MIPOL1: variants seen among roughly 807,000 people sequenced by gnomAD.
The protein encoded by MIPOL1 is mirror-image polydactyly 1, also known as mirror-image polydactyly gene 1 protein.
A neutral mutation model predicts 60.9 loss-of-function variants in MIPOL1; 57 were observed. The observed-to-expected ratio is 0.94, with a 90% CI of 0.76 to 1.17. The LOEUF (loss-of-function observed/expected upper bound fraction) is 1.17. Ranked by LOEUF, MIPOL1 falls within the 50% of genes most tolerant of loss-of-function variation. MIPOL1 has a pLI of 0.00. For synonymous variants in MIPOL1, 179 were observed against 168.8 expected, an observed-to-expected ratio of 1.06 and a Z score of -0.47; for missense variants, 551 against 511.6, an observed-to-expected ratio of 1.08 and a Z score of -0.74.
chr14:37,432,360 A>G (rs1434921352), intron 11 of MIPOL1, among the ~76,000 whole-genome samples: 1 of 152,202 alleles, frequency 6.6e-6, no homozygotes, highest in Non-Finnish European at 1.5e-5. Context: ...TTTAGTAAAT[A>G]TATGTCCACA....
At chr14:37,435,308 C>T (rs528480404) in intron 11 of MIPOL1, among the ~76,000 whole-genome samples, 11 of 152,092 alleles carry the variant, frequency 7.2e-5, no homozygotes, top group Non-Finnish European at 1.6e-4. Flanking sequence ...TTTTCTCTGC[C>T]TGGAGTGTTC....
At chr14:37,483,808 A>C (rs567062598) in intron 11 of MIPOL1, among the ~76,000 whole-genome samples, 1 of 151,958 alleles carries the variant, frequency 6.6e-6, no homozygotes, top group Non-Finnish European at 1.5e-5. Flanking sequence ...CTGATTTTTT[A>C]AAAATTTTGT....
intron 12 of MIPOL1, chr14:37,506,934 G>A (rs976344986): frequency 1.3e-5 from 2 of 152,104 alleles, no homozygotes; most frequent in African/African-American, 4.8e-5. Context: ...CCATCAAAAA[G>A]TGGGCCAAGG....
chr14:37,509,301 A>G (rs949205811), intron 12 of MIPOL1, among the ~76,000 whole-genome samples: 5 of 151,750 alleles, frequency 3.3e-5, no homozygotes, highest in African/African-American at 1.2e-4. Flanking sequence ...TGAGAGTTTT[A>G]TATATATATT....
intron 10 of MIPOL1, among the ~76,000 whole-genome samples, chr14:37,402,449 G>T (rs759150113): frequency 3.9e-5 from 6 of 152,124 alleles, no homozygotes; most frequent in Non-Finnish European, 7.4e-5. Flanking sequence ...TTATGAGTCT[G>T]CCAATGAGCA....
intron 11 of MIPOL1, among the ~76,000 whole-genome samples, chr14:37,441,173 C>T (rs1056895515): frequency 4.6e-5 from 7 of 152,038 alleles, no homozygotes; most frequent in African/African-American, 1.7e-4. Context: ...AATATTTTCT[C>T]CCATTCTTCA....
At chr14:37,405,376 G>A (rs1395240389) in intron 10 of MIPOL1, among the ~76,000 whole-genome samples, 1 of 152,022 alleles carries the variant, frequency 6.6e-6, no homozygotes, top group African/African-American at 2.4e-5. Context: ...GTTCATCAAA[G>A]CCTCTTCCTT....
chr14:37,281,899 T>C (rs1444060096), intron 6 of MIPOL1, among the ~76,000 whole-genome samples: 1 of 152,208 alleles, frequency 6.6e-6, no homozygotes, highest in Non-Finnish European at 1.5e-5. Flanking sequence ...TTTAGAGTAA[T>C]ACCTTAATTT....
At chr14:37,204,224 C>G (rs1231428983) in intron 1 of MIPOL1, among the ~76,000 whole-genome samples, 1 of 152,116 alleles carries the variant, frequency 6.6e-6, no homozygotes, top group African/African-American at 2.4e-5. Context: ...AGGACTTAGC[C>G]AAGCAACACT....
chr14:37,289,212 C>T (rs900719472), intron 7 of MIPOL1, among the ~76,000 whole-genome samples: 1 of 152,168 alleles, frequency 6.6e-6, no homozygotes, highest in African/African-American at 2.4e-5. Flanking sequence ...TCTTATTCAA[C>T]ACAACAGTCA....
chr14:37,256,698 T>A (rs1276471988), intron 3 of MIPOL1, among the ~76,000 whole-genome samples: 1 of 151,658 alleles, frequency 6.6e-6, no homozygotes, highest in Non-Finnish European at 1.5e-5. Flanking sequence ...TGACAAAAAA[T>A]TTTTTTCGTT....
intron 4 of MIPOL1, among the ~76,000 whole-genome samples, chr14:37,268,164 C>G (rs1270586089): frequency 6.6e-6 from 1 of 152,104 alleles, no homozygotes; most frequent in Non-Finnish European, 1.5e-5. Context: ...TGCATAGGAA[C>G]TTTTATTCTA....
chr14:37,391,218 C>T (rs1303475436), intron 10 of MIPOL1, among the ~76,000 whole-genome samples: 1 of 148,694 alleles, frequency 6.7e-6, no homozygotes, highest in Admixed American at 6.7e-5. Context: ...GTAGTTCAGA[C>T]AAACAAACTC....
intron 7 of MIPOL1, among the ~76,000 whole-genome samples, chr14:37,289,801 A>C (rs765048888): frequency 7.2e-5 from 11 of 152,184 alleles, no homozygotes; most frequent in Non-Finnish European, 1.6e-4. Flanking sequence ...GTTGAAGCTC[A>C]AAGTCACAAC....
chr14:37,356,272 C>G (rs1002449962), intron 9 of MIPOL1, among the ~76,000 whole-genome samples: 1 of 151,748 alleles, frequency 6.6e-6, no homozygotes, highest in Non-Finnish European at 1.5e-5. Flanking sequence ...GTTCTCAGAT[C>G]TCCAGCTGCG....
intron 10 of MIPOL1, among the ~76,000 whole-genome samples, chr14:37,407,511 C>A (rs1425740525): frequency 1.3e-5 from 2 of 152,060 alleles, no homozygotes; most frequent in African/African-American, 2.4e-5. Context: ...CTATGATAAC[C>A]TCTAACTATG....
intron 10 of MIPOL1, among the ~76,000 whole-genome samples, chr14:37,393,531 A>G (rs751990388): frequency 1.6e-4 from 24 of 151,686 alleles, no homozygotes; most frequent in Non-Finnish European, 3.4e-4. Flanking sequence ...TTCTTTTTCT[A>G]GGCTCCTTGT....
At chr14:37,206,684 C>A (rs943936532) in intron 1 of MIPOL1, among the ~76,000 whole-genome samples, 3 of 152,212 alleles carry the variant, frequency 2.0e-5, no homozygotes, top group African/African-American at 4.8e-5. Context: ...CTGTACCCTG[C>A]AAAGCCACAG....
intron 7 of MIPOL1, among the ~76,000 whole-genome samples, chr14:37,299,345 C>G (rs570163451): frequency 1.3e-5 from 2 of 151,780 alleles, no homozygotes; most frequent in Non-Finnish European, 2.9e-5. Context: ...TGCTAAATGA[C>G]GAGTTAATGG....
Sources: gnomAD v4.1 joint callset for allele counts (sites outside exome capture counted in the v4.1 genomes callset) on GRCh38, gnomAD v4.1.1 for gene constraint, MANE v1.5 for transcripts, NCBI Gene and HGNC (gene_info 2026-07-23, HGNC 2026-07-21) for gene names.